Variants in ERICH1 observed in about 807,000 individuals in gnomAD.
The protein encoded by ERICH1 is glutamate-rich protein 1.
Under a neutral mutation model 39.6 loss-of-function variants are expected in ERICH1, and 56 were observed. That is an observed-to-expected ratio of 1.41 (90% CI 1.14 to 1.77). ERICH1 has a LOEUF of 1.77. ERICH1 is among the 40% of genes most tolerant of loss of function. The pLI, the probability that ERICH1 is intolerant of heterozygous loss-of-function variation, is 0.00. For missense variants in ERICH1, 826 were observed against 575.4 expected (o/e 1.44, Z -4.45); for synonymous variants, 313 against 223.6 (o/e 1.40, Z -3.57).
At chr8:635,432 G>A (rs1346784792) in intron 3 of ERICH1, among the ~76,000 whole-genome samples, 8 of 152,196 alleles carry the variant, frequency 5.3e-5, no homozygotes, top group African/African-American at 1.9e-4. Context: ...TGACAGCTAA[G>A]GCTGGCTGTG....
intron 1 of ERICH1, among the ~76,000 whole-genome samples, chr8:727,726 AGGCCCAGCC>A (rs1820835801): frequency 6.6e-6 from 1 of 152,138 alleles, no homozygotes; most frequent in Admixed American, 6.5e-5. Context: ...TCCCTACAGA[AGGCCCAGCC>A]GGGCCAGCAA....
intron 3 of ERICH1, among the ~76,000 whole-genome samples, chr8:652,102 C>T (rs1343291762): frequency 6.6e-6 from 1 of 152,210 alleles, no homozygotes; most frequent in Non-Finnish European, 1.5e-5. Context: ...ACCGACGGCT[C>T]TGCACTCACC....
At chr8:623,434 A>G (rs1359897292) in intron 3 of ERICH1, among the ~76,000 whole-genome samples, 1 of 152,224 alleles carries the variant, frequency 6.6e-6, no homozygotes, top group Non-Finnish European at 1.5e-5. Context: ...TTCAACAAGA[A>G]TACTATAACA....
chr8:622,954 C>CTAAATAAA (rs1490314226), intron 3 of ERICH1, among the ~76,000 whole-genome samples: 3 of 60,992 alleles, frequency 4.9e-5, no homozygotes, highest in African/African-American at 2.8e-4. Context: ...GAGATCCGCT[C>CTAAATAAA]TCAATAAATA....
intron 3 of ERICH1, among the ~76,000 whole-genome samples, chr8:677,965 A>C (rs928915097): frequency 6.6e-6 from 1 of 152,122 alleles, no homozygotes; most frequent in African/African-American, 2.4e-5. Flanking sequence ...CCCTCCTAAG[A>C]CTACAAGACA....
At position 715,968 on chromosome 8, in the gene ERICH1, A is replaced by G. The variant is rs147428699; in HGVS notation, c.62T>C (p.Val21Ala). The G allele has an allele frequency of 2.8e-5, 45 of 1,613,646 alleles. No homozygotes were observed. The African/African-American group carries it at 5.9e-4, about 21-fold the overall frequency. ...EKVLQRLFPP[V>A]PSGQGKREPQ... ...TTCCCTCTTTCCTTGGCCACTTGGA[A>G]CAGGAGGAAAAAGTCTCTGCAGCAC... The change falls in exon 2 of 6, where the codon GTT becomes GCT. Residue 21 changes from valine to alanine, a missense_variant. By Grantham distance (64) the Val-to-Ala change is moderately conservative (BLOSUM62 0). Transcript: ENST00000262109.
chr8:655,409 C>A (rs1165137705), intron 3 of ERICH1, among the ~76,000 whole-genome samples: 1 of 152,202 alleles, frequency 6.6e-6, no homozygotes, highest in African/African-American at 2.4e-5. Flanking sequence ...GAGTCTCACT[C>A]GTTTTTGTTT....
chr8:692,347 T>C (rs575103756), intron 3 of ERICH1, 131 bp downstream of exon 3: 212 of 1,306,122 alleles, frequency 1.6e-4, no homozygotes, highest in Non-Finnish European at 2.1e-4. Flanking sequence ...TGTGGTTCAT[T>C]ATACAGTGTA....
rs1799650114 is a variant in ERICH1, at chr8:649,428, CT to C, written c.976+19169del. Among the ~76,000 whole-genome samples the C allele has an allele frequency of 3.3e-5, 5 of 152,144 alleles. 2 individuals are homozygous for C. Among genetic ancestry groups the C allele is most frequent in the Admixed American group, 3.3e-4 (5 of 15,270 alleles). On this transcript the variant is annotated intron_variant, in intron 3 of 3. Coordinates refer to the ERICH1 transcript ENST00000522706. ...ACTGGCTTCTCGGCTAAGAGCGGGG[CT>C]TGCTTTTATTCTATGCTGTCCTCAA...
chr8:700,835 TGGCA>T (rs1439116895), intron 2 of ERICH1, among the ~76,000 whole-genome samples: 1 of 152,252 alleles, frequency 6.6e-6, no homozygotes, highest in Non-Finnish European at 1.5e-5. Flanking sequence ...GGCTTCCAGA[TGGCA>T]GATAAGAGGA....
At chr8:727,750 G>A (rs1267445772) in intron 1 of ERICH1, among the ~76,000 whole-genome samples, 2 of 152,202 alleles carry the variant, frequency 1.3e-5, no homozygotes, top group African/African-American at 2.4e-5. Context: ...CAGCAAGGCC[G>A]GGCCAGCAGC....
chr8:700,145 GCGCACAGACCCGCACACGCGCACAGGCC>G, intron 2 of ERICH1, among the ~76,000 whole-genome samples: 1 of 128,608 alleles, frequency 7.8e-6, no homozygotes, highest in East Asian at 2.6e-4. Context: ...ACCCGCACAG[GCGCACAGACCCGCACACGCGCACAGGCC>G]CGCACAGGCC....
chr8:698,741 G>C (rs112193380), intron 2 of ERICH1, among the ~76,000 whole-genome samples: 1 of 152,098 alleles, frequency 6.6e-6, no homozygotes, highest in African/African-American at 2.4e-5. Context: ...GCCTCCTAAA[G>C]TGCTAGGATT....
At chr8:624,445 C>A (rs527246662) in intron 3 of ERICH1, among the ~76,000 whole-genome samples, 1 of 152,248 alleles carries the variant, frequency 6.6e-6, no homozygotes, top group East Asian at 1.9e-4. Context: ...AACACATTCA[C>A]GCCAAAGCTT....
chr8:716,566 T>C (rs1816056477), intron 1 of ERICH1, among the ~76,000 whole-genome samples: 1 of 152,252 alleles, frequency 6.6e-6, no homozygotes, highest in African/African-American at 2.4e-5. Context: ...GCATCTGACG[T>C]GGTTTAACGA....
intron 3 of ERICH1, among the ~76,000 whole-genome samples, chr8:689,952 G>A (rs917335567): frequency 6.6e-6 from 1 of 152,158 alleles, no homozygotes; most frequent in Non-Finnish European, 1.5e-5. Flanking sequence ...CCTGCTAAAT[G>A]TGGCTGTGTA....
intron 2 of ERICH1, among the ~76,000 whole-genome samples, chr8:708,680 AGTTTTTTTTT>A (rs1813881823): frequency 1.8e-5 from 1 of 55,134 alleles, no homozygotes; most frequent in Non-Finnish European, 3.4e-5. Flanking sequence ...CGGGATAATG[AGTTTTTTTTT>A]TTTTTTTTTT....
intron 3 of ERICH1, among the ~76,000 whole-genome samples, chr8:628,046 C>T (rs1797700719): frequency 6.6e-6 from 1 of 152,208 alleles, no homozygotes; most frequent in South Asian, 2.1e-4. Context: ...CGGCCCCTCC[C>T]TTCCATTCTC....
rs111538115 is a variant in ERICH1 at position 722,344 on chromosome 8, A to G, written c.23-6337T>C. On this transcript the variant is annotated intron_variant, in intron 1 of 5. Coordinates refer to ENST00000262109, the MANE Select transcript of ERICH1 (RefSeq NM_207332.3). ...AGGCCCAGAAAAAACACCCCGTCTGAAATTCACATGCCGCAACACCCAGCA... is the reference window on the plus strand; with the variant it reads ...AGGCCCAGAAAAAACACCCCGTCTGGAATTCACATGCCGCAACACCCAGCA... Among the ~76,000 whole-genome samples, 276 of 152,254 alleles carry G rather than the reference A, an allele frequency of 1.8e-3. 1 individual carries two copies. The highest frequency in any genetic ancestry group is 6.4e-3 in the African/African-American group (264 of 41,544).
Sources: allele counts gnomAD v4.1 joint callset (sites outside exome capture counted in the v4.1 genomes callset), GRCh38; gene constraint gnomAD v4.1.1; transcripts MANE v1.5; gene names NCBI Gene and HGNC (gene_info 2026-07-23, HGNC 2026-07-21).